Variants in GNB1 observed in about 807,000 individuals in gnomAD.
GNB1 encodes guanine nucleotide-binding protein G(I)/G(S)/G(T) subunit beta-1.
GNB1 carries 2 observed loss-of-function variants against 42.9 expected under a neutral mutation model. The observed-to-expected ratio is 0.05, with a 90% confidence interval of 0.02 to 0.15. The LOEUF (loss-of-function observed/expected upper bound fraction) is 0.15. Among genes scored for constraint, GNB1 ranks in the 10% least tolerant of loss-of-function variants. GNB1 has a pLI of 1.00. For synonymous variants in GNB1, 183 were observed against 174.7 expected (o/e 1.05, Z -0.38); for missense variants, 193 against 462.2 (o/e 0.42, Z 5.34).
intron 1 of GNB1, among the ~76,000 whole-genome samples, chr1:1,877,622 G>C (rs556406163): frequency 9.9e-4 from 150 of 152,220 alleles, no homozygotes; most frequent in Non-Finnish European, 1.4e-3. Flanking sequence ...ACAGGCATGA[G>C]CCACCATGCC....
chr1:1,852,056 TAAAG>T (rs1648014756), intron 1 of GNB1, among the ~76,000 whole-genome samples: 1 of 150,744 alleles, frequency 6.6e-6, no homozygotes, highest in East Asian at 2.0e-4. Context: ...AAAAAATAAA[TAAAG>T]AGACATTCAC....
chr1:1,882,622 A>T (rs143347511), intron 1 of GNB1, among the ~76,000 whole-genome samples: 2 of 152,062 alleles, frequency 1.3e-5, no homozygotes, highest in African/African-American at 4.8e-5. Context: ...AGAATTCTCT[A>T]AAAAAATGAA....
chr1:1,872,033 GCT>G (rs1267418759), intron 1 of GNB1, among the ~76,000 whole-genome samples: 1 of 148,050 alleles, frequency 6.8e-6, no homozygotes, highest in African/African-American at 2.5e-5. Flanking sequence ...ACAGGGTCTC[GCT>G]CTGTTGCCCA....
intron 1 of GNB1, among the ~76,000 whole-genome samples, chr1:1,858,283 A>G (rs1011531754): frequency 6.6e-6 from 1 of 152,248 alleles, no homozygotes; most frequent in African/African-American, 2.4e-5. Context: ...ATTTGTTTTC[A>G]GTTCATCTGT....
At chr1:1,808,646 GT>G (rs1646735016) in intron 5 of GNB1, among the ~76,000 whole-genome samples, 1 of 84,814 alleles carries the variant, frequency 1.2e-5, no homozygotes, top group Non-Finnish European at 2.7e-5. Flanking sequence ...GTTTGTTTTT[GT>G]TTGTTTGTTT....
At chr1:1,876,920 T>A (rs1649575468) in intron 1 of GNB1, among the ~76,000 whole-genome samples, 1 of 152,156 alleles carries the variant, frequency 6.6e-6, no homozygotes, top group Admixed American at 6.6e-5. Flanking sequence ...GAAATACCAC[T>A]GATATCTACA....
intron 1 of GNB1, among the ~76,000 whole-genome samples, chr1:1,840,742 G>A (rs1326583825): frequency 6.6e-6 from 1 of 152,174 alleles, no homozygotes; most frequent in Admixed American, 6.5e-5. Context: ...CTGCTGACAC[G>A]GTCCCATCCA....
At chr1:1,827,884 C>T (rs1456171927) in intron 2 of GNB1, among the ~76,000 whole-genome samples, 1 of 152,098 alleles carries the variant, frequency 6.6e-6, no homozygotes, top group Non-Finnish European at 1.5e-5. Context: ...TGAAGTACCC[C>T]GAATTAAACT....
At chr1:1,824,265 A>G (rs1224912525) in intron 3 of GNB1, among the ~76,000 whole-genome samples, 1 of 152,196 alleles carries the variant, frequency 6.6e-6, no homozygotes, top group Admixed American at 6.5e-5. Context: ...TCTATAAAAT[A>G]TTTACTAGAA....
chr1:1,815,187 A>G (rs576763570), intron 5 of GNB1, among the ~76,000 whole-genome samples: 1 of 152,280 alleles, frequency 6.6e-6, no homozygotes, highest in African/African-American at 2.4e-5. Flanking sequence ...GGGATGGTAA[A>G]CCAAAGGAAG....
At chr1:1,880,705 A>C (rs1649798207) in intron 1 of GNB1, among the ~76,000 whole-genome samples, 1 of 152,118 alleles carries the variant, frequency 6.6e-6, no homozygotes, top group Admixed American at 6.6e-5. Flanking sequence ...GCTCTAAGTG[A>C]CCACTGCTCC....
At chr1:1,827,967 T>G (rs1267614106) in intron 2 of GNB1, among the ~76,000 whole-genome samples, 2 of 152,090 alleles carry the variant, frequency 1.3e-5, no homozygotes, top group Non-Finnish European at 2.9e-5. Context: ...AGTACGGGAC[T>G]AAAAACAACA....
chr1:1,791,910 T>C (rs1646486048), intron 8 of GNB1, among the ~76,000 whole-genome samples: 1 of 152,148 alleles, frequency 6.6e-6, no homozygotes, highest in Admixed American at 6.6e-5. Context: ...CTATGAAATT[T>C]ATACAACGAG....
intron 1 of GNB1, among the ~76,000 whole-genome samples, chr1:1,885,421 A>T (rs578042549): frequency 6.9e-6 from 1 of 144,304 alleles, no homozygotes; most frequent in South Asian, 2.1e-4. Flanking sequence ...CTCAAAAAAA[A>T]AAGAAAGAAA....
At chr1:1,886,000 T>A (rs1650133334) in intron 1 of GNB1, among the ~76,000 whole-genome samples, 1 of 151,024 alleles carries the variant, frequency 6.6e-6, no homozygotes, top group Non-Finnish European at 1.5e-5. Context: ...AACAAGAGGC[T>A]AAAAGGTTTA....
chr1:1,844,308 T>C (rs1368937337), intron 1 of GNB1, among the ~76,000 whole-genome samples: 1 of 151,648 alleles, frequency 6.6e-6, no homozygotes, highest in African/African-American at 2.4e-5. Flanking sequence ...GGACAATCAA[T>C]TGATCCTGAG....
chr1:1,804,446 C>T lies in GNB1; in HGVS notation c.403G>A (p.Val135Met). Residue 135 changes from valine (V) to methionine (M), a missense_variant, in exon 7 of 12, where the codon GTG (valine) becomes ATG (methionine). By Grantham distance (21) the Val-to-Met change is conservative. Transcript: ENST00000378609. ...NLKTREGNVR[V>M]SRELAGHTGY... ...GTGTGTCCTGCCAGCTCACGACTCA[C>T]GCGCACGTTCCCCTCACGAGTTTTC... The T allele has an allele frequency of 6.2e-7, 1 of 1,613,730 alleles. No individual in the cohort carries two copies. The highest frequency in any genetic ancestry group is 8.5e-7 in the Non-Finnish European group (1 of 1,179,676).
At position 1,804,453 on chromosome 1, in the gene GNB1, G is replaced by A. The variant is rs1646669456; in HGVS notation, c.396C>T (p.Asn132=). 2 of 1,613,604 alleles carry A rather than the reference G, an allele frequency of 1.2e-6. No homozygotes were observed. Among genetic ancestry groups the A allele is most frequent in the Middle Eastern group, 1.6e-4 (1 of 6,062 alleles). Residue 132 remains asparagine (N), a synonymous_variant, in exon 7 of 12, where the codon AAC becomes AAT. Coordinates refer to ENST00000378609, the MANE Select transcript of GNB1 (RefSeq NM_002074.5). ...SIYNLKTREG[N]VRVSRELAGH... ...CTGCCAGCTCACGACTCACGCGCACGTTCCCCTCACGAGTTTTCAGATTGT... is the reference window on the plus strand; with the variant it reads ...CTGCCAGCTCACGACTCACGCGCACATTCCCCTCACGAGTTTTCAGATTGT...
intron 1 of GNB1, among the ~76,000 whole-genome samples, chr1:1,841,708 C>G (rs748209084): frequency 6.6e-6 from 1 of 152,112 alleles, no homozygotes; most frequent in South Asian, 2.1e-4. Context: ...AAAGTAGTTT[C>G]GTTTTGCAAT....
Sources: gnomAD v4.1 joint callset for allele counts (sites outside exome capture counted in the v4.1 genomes callset) on GRCh38, gnomAD v4.1.1 for gene constraint, MANE v1.5 for transcripts, NCBI Gene and HGNC (gene_info 2026-07-23, HGNC 2026-07-21) for gene names.